The following MAML2 variants were observed in gnomAD, a reference collection of about 807,000 sequenced individuals.
The protein encoded by MAML2 is mastermind like transcriptional coactivator 2, also known as mastermind-like protein 2.
In MAML2, 22 loss-of-function variants were observed where a neutral mutation model predicts 96.1. The ratio of observed to expected loss-of-function variants is 0.23; its 90% CI spans 0.16 to 0.33. MAML2 has a LOEUF of 0.33. Among genes scored for constraint, MAML2 ranks in the 10% least tolerant of loss-of-function variants. The probability of loss-of-function intolerance (pLI) is 1.00; values close to 1 mark genes in which losing one functional copy is unlikely to be tolerated. For synonymous variants in MAML2, 561 were observed against 521.3 expected, an observed-to-expected ratio of 1.08 and a Z score of -1.04; for missense variants, 1,367 against 1,392.4, an observed-to-expected ratio of 0.98 and a Z score of 0.29.
intron 1 of MAML2, among the ~76,000 whole-genome samples, chr11:96,133,388 C>T (rs1014038417): frequency 6.6e-6 from 1 of 151,854 alleles, no homozygotes; most frequent in African/African-American, 2.4e-5. Flanking sequence ...ATTTTCTTAT[C>T]GATTTTAAAA....
At chr11:96,107,374 A>G (rs1860041157) in intron 1 of MAML2, among the ~76,000 whole-genome samples, 1 of 152,160 alleles carries the variant, frequency 6.6e-6, no homozygotes, top group African/African-American at 2.4e-5. Flanking sequence ...AATAGTTCCA[A>G]TTCAGTGGTT....
At position 95,991,742 on chromosome 11, in the gene MAML2, G is replaced by C; in HGVS notation, c.2140-19C>G. The C allele has an allele frequency of 1.2e-6, 2 of 1,601,324 alleles. No individual in the cohort carries two copies. Among genetic ancestry groups the C allele is most frequent in the Non-Finnish European group, 1.7e-6 (2 of 1,168,832 alleles). On this transcript the variant is annotated intron_variant, in intron 2 of 4. Transcript: ENST00000524717. ...GTTGATCCTAAAGAAGAGAAAGGGG[G>C]AAGGAAAAGCTACTGTGAATTAAAA...
At chr11:96,259,941 ATT>A (rs5793794) in intron 1 of MAML2, among the ~76,000 whole-genome samples, 16 of 143,024 alleles carry the variant, frequency 1.1e-4, no homozygotes, top group Middle Eastern at 7.4e-3. Context: ...CTGACTTGTG[ATT>A]TTTTTTTTTT....
intron 1 of MAML2, among the ~76,000 whole-genome samples, chr11:96,240,709 T>C (rs533211090): frequency 6.6e-6 from 1 of 152,204 alleles, no homozygotes; most frequent in East Asian, 1.9e-4. Flanking sequence ...AGACCCACTG[T>C]TCCAAATAAT....
chr11:96,307,535 G>A (rs911764508), intron 1 of MAML2, among the ~76,000 whole-genome samples: 1 of 152,092 alleles, frequency 6.6e-6, no homozygotes, highest in Non-Finnish European at 1.5e-5. Context: ...GACAGCAGCT[G>A]GGGAGGGGGA....
intron 2 of MAML2, among the ~76,000 whole-genome samples, chr11:96,018,394 A>T (rs1481457043): frequency 1.3e-5 from 2 of 152,214 alleles, no homozygotes; most frequent in African/African-American, 4.8e-5. Flanking sequence ...CAGCATAGAA[A>T]AGATACTGAA....
chr11:96,121,500 C>G (rs929230694), intron 1 of MAML2, among the ~76,000 whole-genome samples: 3 of 151,950 alleles, frequency 2.0e-5, no homozygotes, highest in African/African-American at 7.3e-5. Context: ...GTCAATAAAC[C>G]CTCAATAAAC....
At chr11:96,090,624 AC>A (rs1487950288) in intron 2 of MAML2, among the ~76,000 whole-genome samples, 5 of 152,232 alleles carry the variant, frequency 3.3e-5, no homozygotes, top group African/African-American at 4.8e-5. Context: ...TTGTAAAAAA[AC>A]ATATGTGTGT....
At position 96,133,111 on chromosome 11, in the gene MAML2, C is replaced by A. The variant is rs916961103; in HGVS notation, c.514-39594G>T. ...ATACAGAATGTGTAAGAGAAAACAT[C>A]GCCCTCAAGTAGGCTTTCCTGGATA... On this transcript the variant is annotated intron_variant, in intron 1 of 4. Transcript: ENST00000524717. 2.6e-5 allele frequency among the ~76,000 whole-genome samples: 4 copies of A among 152,220 alleles called. No individual in the cohort carries two copies. In the South Asian group the frequency reaches 6.2e-4, roughly 24 times the overall value.
intron 1 of MAML2, among the ~76,000 whole-genome samples, chr11:96,289,449 G>A (rs796304589): frequency 2.6e-5 from 4 of 152,230 alleles, no homozygotes; most frequent in East Asian, 1.9e-4. Context: ...TATAACTCAC[G>A]AATGAATGAG....
intron 1 of MAML2, among the ~76,000 whole-genome samples, chr11:96,182,233 T>C (rs1861497536): frequency 6.6e-6 from 1 of 152,166 alleles, no homozygotes; most frequent in African/African-American, 2.4e-5. Flanking sequence ...CTTTGGAAAA[T>C]GTAATGTTCT....
At chr11:96,099,293 G>A (rs1308236360) in intron 1 of MAML2, among the ~76,000 whole-genome samples, 1 of 152,146 alleles carries the variant, frequency 6.6e-6, no homozygotes, top group African/African-American at 2.4e-5. Flanking sequence ...AAGTAAAAAT[G>A]TTTAGGATCC....
intron 1 of MAML2, among the ~76,000 whole-genome samples, chr11:96,252,409 T>G (rs1862594260): frequency 6.6e-6 from 1 of 151,704 alleles, no homozygotes; most frequent in African/African-American, 2.4e-5. Context: ...TTCTCAGCGC[T>G]TTACCTTGAC....
At chr11:96,259,517 G>C (rs192688581) in intron 1 of MAML2, among the ~76,000 whole-genome samples, 214 of 152,348 alleles carry the variant, frequency 1.4e-3, no homozygotes, top group African/African-American at 4.1e-3. Context: ...TTAGTTGTTT[G>C]TCTAGAATTT....
chr11:96,278,499 CTATGATGGATTATAAGACAT>C, intron 1 of MAML2, among the ~76,000 whole-genome samples: 1 of 152,208 alleles, frequency 6.6e-6, no homozygotes. Context: ...GTGTGAGGTG[CTATGATGGATTATAAGACAT>C]TATGATTGAC....
intron 1 of MAML2, among the ~76,000 whole-genome samples, chr11:96,130,277 C>T (rs1860523981): frequency 6.6e-6 from 1 of 152,212 alleles, no homozygotes; most frequent in Non-Finnish European, 1.5e-5. Context: ...CCACTCCTCT[C>T]AAGGGGACTT....
chr11:96,236,928 A>C (rs565307876), intron 1 of MAML2, among the ~76,000 whole-genome samples: 3 of 152,290 alleles, frequency 2.0e-5, no homozygotes, highest in East Asian at 3.9e-4. Flanking sequence ...AGTGCCATCT[A>C]TCATTTCTGC....
intron 2 of MAML2, among the ~76,000 whole-genome samples, chr11:96,076,031 T>A (rs1859428641): frequency 6.6e-6 from 1 of 152,190 alleles, no homozygotes; most frequent in Non-Finnish European, 1.5e-5. Context: ...CAGAATAAAT[T>A]TGTTAATACA....
intron 1 of MAML2, among the ~76,000 whole-genome samples, chr11:96,153,533 G>A (rs1232201764): frequency 6.6e-6 from 1 of 152,142 alleles, no homozygotes; most frequent in Non-Finnish European, 1.5e-5. Flanking sequence ...CTTGATTACT[G>A]AGGTTTTTGA....
Sources: allele counts gnomAD v4.1 joint callset (sites outside exome capture counted in the v4.1 genomes callset), GRCh38; gene constraint gnomAD v4.1.1; transcripts MANE v1.5; gene names NCBI Gene and HGNC (gene_info 2026-07-23, HGNC 2026-07-21).